The following MTUS2 variants were observed in gnomAD, a reference collection of about 807,000 sequenced individuals.
MTUS2 encodes microtubule associated scaffold protein 2.
A neutral mutation model predicts 114.1 loss-of-function variants in MTUS2; 40 were observed. The observed-to-expected ratio is 0.35, with a 90% CI of 0.27 to 0.46. The LOEUF (loss-of-function observed/expected upper bound fraction) is 0.46, where lower values mean the gene tolerates loss of function less well. MTUS2 is among the 20% of genes least tolerant of loss of function. MTUS2 has a pLI of 1.00. For missense variants in MTUS2, 1,679 were observed against 1,705.4 expected, an observed-to-expected ratio of 0.98 and a Z score of 0.27; for synonymous variants, 688 against 672.0, an observed-to-expected ratio of 1.02 and a Z score of -0.37.
intron 2 of MTUS2, among the ~76,000 whole-genome samples, chr13:28,940,429 G>C (rs1287683633): frequency 2.0e-5 from 3 of 152,160 alleles, no homozygotes; most frequent in Non-Finnish European, 4.4e-5. Flanking sequence ...CATACAGACA[G>C]CAAATTGGTG....
chr13:29,428,976 G>T (rs1298636461), intron 8 of MTUS2: 2 of 1,419,638 alleles, frequency 1.4e-6, no homozygotes, highest in East Asian at 2.3e-5. Context: ...CCACCTCGGT[G>T]CCTGTCCCCC....
intron 5 of MTUS2, among the ~76,000 whole-genome samples, chr13:29,205,563 C>T (rs1429755653): frequency 6.6e-6 from 1 of 152,156 alleles, no homozygotes; most frequent in East Asian, 1.9e-4. Context: ...CACTCACTTC[C>T]CACCCATTCC....
intron 3 of MTUS2, among the ~76,000 whole-genome samples, chr13:29,031,270 G>GTGTGTGTGTGTGT (rs1555287201): frequency 1.1e-3 from 25 of 22,420 alleles, no homozygotes; most frequent in Non-Finnish European, 2.5e-3. Flanking sequence ...GTGTGTGTGT[G>GTGTGTGTGTGTGT]GTGTGTGTTC....
intron 2 of MTUS2, among the ~76,000 whole-genome samples, chr13:28,993,514 G>T (rs1037038783): frequency 6.6e-6 from 1 of 152,070 alleles, no homozygotes; most frequent in East Asian, 1.9e-4. Flanking sequence ...GTGTGTCCTA[G>T]GTTTTCTTTT....
intron 5 of MTUS2, among the ~76,000 whole-genome samples, chr13:29,116,957 G>T (rs1186988021): frequency 6.6e-6 from 1 of 152,128 alleles, no homozygotes; most frequent in Non-Finnish European, 1.5e-5. Flanking sequence ...TGGATAAGGG[G>T]GGACTACTGT....
chr13:29,490,814 T>G (rs1254964794), intron 11 of MTUS2, among the ~76,000 whole-genome samples: 2 of 152,264 alleles, frequency 1.3e-5, no homozygotes, highest in Non-Finnish European at 2.9e-5. Context: ...CAGCCCCAGA[T>G]GGCTGCTTCG....
chr13:28,851,470 A>G (rs552244332), intron 2 of MTUS2, among the ~76,000 whole-genome samples: 2 of 152,358 alleles, frequency 1.3e-5, no homozygotes, highest in Non-Finnish European at 2.9e-5. Flanking sequence ...TTAAGAAAAC[A>G]TGTACTGAGT....
At chr13:29,081,408 CT>C (rs1889434314) in intron 4 of MTUS2, among the ~76,000 whole-genome samples, 2 of 152,008 alleles carry the variant, frequency 1.3e-5, no homozygotes. Context: ...TGAATTTGAG[CT>C]TGTTTAGTAA....
chr13:29,136,471 A>G (rs1891982862), intron 5 of MTUS2, among the ~76,000 whole-genome samples: 1 of 152,132 alleles, frequency 6.6e-6, no homozygotes, highest in African/African-American at 2.4e-5. Context: ...CTTCATCAGG[A>G]GGTTGGGACT....
intron 2 of MTUS2, among the ~76,000 whole-genome samples, chr13:28,907,056 G>T (rs889880711): frequency 6.6e-6 from 1 of 151,552 alleles, no homozygotes; most frequent in Non-Finnish European, 1.5e-5. Flanking sequence ...CAGATCTCTC[G>T]GCAGAAACCG....
intron 7 of MTUS2, among the ~76,000 whole-genome samples, chr13:29,330,665 T>A (rs757906968): frequency 6.6e-6 from 1 of 152,234 alleles, no homozygotes; most frequent in Non-Finnish European, 1.5e-5. Context: ...CGAGCCAGTT[T>A]TCCCAACACC....
chr13:29,266,515 TC>T (rs748252392), intron 5 of MTUS2, among the ~76,000 whole-genome samples: 1 of 152,028 alleles, frequency 6.6e-6, no homozygotes. Flanking sequence ...GCAGAAATTA[TC>T]CCCCCCACAC....
At chr13:29,395,584 T>A (rs911692514) in intron 8 of MTUS2, among the ~76,000 whole-genome samples, 1 of 152,204 alleles carries the variant, frequency 6.6e-6, no homozygotes. Context: ...CAGCCAGGGT[T>A]TGCTGTATTA....
At chr13:29,387,858 G>A (rs193096553) in intron 8 of MTUS2, among the ~76,000 whole-genome samples, 62 of 152,204 alleles carry the variant, frequency 4.1e-4, no homozygotes, top group African/African-American at 1.3e-3. Context: ...CCCGTGAAAG[G>A]CAGTCAGCAT....
intron 2 of MTUS2, among the ~76,000 whole-genome samples, chr13:28,893,117 C>G (rs1879032906): frequency 6.6e-6 from 1 of 152,126 alleles, no homozygotes; most frequent in Admixed American, 6.5e-5. Context: ...GTTCTTACTG[C>G]AAGTGGAGAA....
chr13:29,394,962 A>G (rs936619594), intron 8 of MTUS2, among the ~76,000 whole-genome samples: 6 of 152,168 alleles, frequency 3.9e-5, no homozygotes, highest in Non-Finnish European at 8.8e-5. Context: ...CTTTCACGAA[A>G]TCAGTCCCTG....
chr13:29,373,418 C>T (rs1489328170), intron 8 of MTUS2, among the ~76,000 whole-genome samples: 1 of 152,084 alleles, frequency 6.6e-6, no homozygotes, highest in Admixed American at 6.5e-5. Context: ...CGAGGACTAA[C>T]AAGGGGGGCA....
intron 2 of MTUS2, among the ~76,000 whole-genome samples, chr13:29,012,955 G>A (rs1161605542): frequency 6.6e-6 from 1 of 152,208 alleles, no homozygotes; most frequent in South Asian, 2.1e-4. Flanking sequence ...CCAGGTGTGA[G>A]TTACTAGGCC....
At chr13:29,209,068 A>G (rs1347732221) in intron 5 of MTUS2, among the ~76,000 whole-genome samples, 3 of 151,968 alleles carry the variant, frequency 2.0e-5, no homozygotes, top group Non-Finnish European at 4.4e-5. Context: ...TCTCTTTTTT[A>G]AAGTCTATTA....
Sources: allele counts gnomAD v4.1 joint callset (sites outside exome capture counted in the v4.1 genomes callset), GRCh38; gene constraint gnomAD v4.1.1; transcripts MANE v1.5; gene names NCBI Gene and HGNC (gene_info 2026-07-23, HGNC 2026-07-21).